Variants in TRPM6 observed in about 807,000 individuals in gnomAD.
TRPM6 encodes channel kinase 2.
In TRPM6, 111 loss-of-function variants were observed where a neutral mutation model predicts 247.6. That is an observed-to-expected ratio of 0.45 (90% confidence interval 0.38 to 0.52). The LOEUF is 0.52. TRPM6 is among the 20% of genes least tolerant of loss of function. The pLI is 0.00. For synonymous variants in TRPM6, 892 were observed against 853.8 expected, an observed-to-expected ratio of 1.04 and a Z score of -0.78; for missense variants, 2,126 against 2,421.5, an observed-to-expected ratio of 0.88 and a Z score of 2.56.
chr9:74,754,420 G>T (rs1192098412), intron 28 of TRPM6, among the ~76,000 whole-genome samples: 2 of 152,138 alleles, frequency 1.3e-5, no homozygotes, highest in South Asian at 4.1e-4. Context: ...CCCGTTCATT[G>T]TAAGATGTTT....
At chr9:74,758,911 G>C (rs1037626044) in intron 27 of TRPM6, among the ~76,000 whole-genome samples, 2 of 151,978 alleles carry the variant, frequency 1.3e-5, no homozygotes, top group African/African-American at 4.8e-5. Flanking sequence ...ATCTACTCAA[G>C]TAAAGAAGTT....
In TRPM6 at chr9:74,834,758, G is replaced by A. The variant is rs529114014; in HGVS notation, c.545-636C>T. On this transcript the variant is annotated intron_variant, in intron 5 of 38. Coordinates refer to ENST00000360774, the MANE Select transcript of TRPM6 (RefSeq NM_017662.5). ...TTTGCTCATCTATGTCCCTACAAGG[G>A]ACATGAACTCATCCCTTTTATGGCT... Among the ~76,000 whole-genome samples the A allele has an allele frequency of 5.1e-4, 77 of 151,980 alleles. 1 individual carries two copies. Among genetic ancestry groups the A allele is most frequent in the Non-Finnish European group, 1.2e-4 (8 of 67,976 alleles).
At chr9:74,862,570 A>G (rs1009204250) in intron 1 of TRPM6, among the ~76,000 whole-genome samples, 8 of 152,226 alleles carry the variant, frequency 5.3e-5, no homozygotes, top group Non-Finnish European at 1.2e-4. Context: ...TTCACAGACT[A>G]ACATAGTGAG....
rs55889089 is a variant in TRPM6, at chr9:74,728,314, A to C, written c.5860T>G (p.Leu1954Val). The change falls in exon 38 of 39, where the codon TTG becomes GTG. Residue 1954 changes from leucine to valine, a missense_variant. This residue lies in a region of TRPM6 where 327 missense variants were observed against 397.7 expected (regional missense o/e 0.82). Coordinates refer to ENST00000360774, the MANE Select transcript of TRPM6 (RefSeq NM_017662.5). ...SRGMVFGPAN[L>V]GEDAIRNFIA... Reference sequence around the variant, plus strand: ...AAGTTTCTAATTGCATCTTCCCCCAAATTGGCCGGTCCAAACACCATTCCT... The same window carrying C: ...AAGTTTCTAATTGCATCTTCCCCCACATTGGCCGGTCCAAACACCATTCCT... 2.5e-6 allele frequency: 4 copies of C among 1,613,884 alleles called. No homozygotes were observed. The highest frequency in any genetic ancestry group is 2.7e-5 in the African/African-American group (2 of 74,878).
chr9:74,841,739 A>T (rs1829944863), intron 4 of TRPM6, among the ~76,000 whole-genome samples: 1 of 152,188 alleles, frequency 6.6e-6, no homozygotes, highest in Non-Finnish European at 1.5e-5. Flanking sequence ...TCCTGACCTC[A>T]GGTGATCCAC....
chr9:74,863,791 T>C (rs905989617), intron 1 of TRPM6, among the ~76,000 whole-genome samples: 8 of 152,000 alleles, frequency 5.3e-5, no homozygotes, highest in Middle Eastern at 6.3e-3. Context: ...TTTCACCGTG[T>C]TAGCCAGGGT....
intron 36 of TRPM6, among the ~76,000 whole-genome samples, chr9:74,733,805 A>T (rs1377756657): frequency 6.6e-6 from 1 of 152,076 alleles, no homozygotes; most frequent in Non-Finnish European, 1.5e-5. Flanking sequence ...TGATCTGCCC[A>T]CCTCAGCCTC....
At chr9:74,792,815 A>C (rs1827955979) in intron 18 of TRPM6, 45 bp from the exon 19 acceptor site, 3 of 1,572,218 alleles carry the variant, frequency 1.9e-6, no homozygotes, top group African/African-American at 1.3e-5. Context: ...CAGCTTAACT[A>C]AAATAGTGAC....
At chr9:74,757,951 A>T (rs982864623) in intron 27 of TRPM6, among the ~76,000 whole-genome samples, 7 of 152,192 alleles carry the variant, frequency 4.6e-5, no homozygotes, top group African/African-American at 1.2e-4. Flanking sequence ...AAATGTTAGG[A>T]ACAAAAGAAG....
chr9:74,724,602 C>T lies in TRPM6; in HGVS notation c.*11G>A. 6.2e-7 allele frequency: 1 copy of T among 1,614,156 alleles called. No individual in the cohort carries two copies. Among genetic ancestry groups the T allele is most frequent in the Non-Finnish European group, 8.5e-7 (1 of 1,180,024 alleles). On this transcript the variant is annotated 3_prime_UTR_variant, in exon 39 of 39. Transcript: ENST00000360774. ...CAGGGCAAGCACTGGGATCTTCTTG[C>T]TCCTCCCTTTTTATAGTTGCATATC...
intron 13 of TRPM6, among the ~76,000 whole-genome samples, chr9:74,809,041 T>C (rs1828633862): frequency 6.6e-6 from 1 of 152,218 alleles, no homozygotes; most frequent in South Asian, 2.1e-4. Flanking sequence ...TCTGTCTTTG[T>C]CTACCCAGAG....
At chr9:74,858,002 T>C (rs1367910040) in intron 2 of TRPM6, among the ~76,000 whole-genome samples, 1 of 152,184 alleles carries the variant, frequency 6.6e-6, no homozygotes, top group Non-Finnish European at 1.5e-5. Context: ...TATCCTCCCA[T>C]CAAGAGGAAC....
rs567166042 is a variant in TRPM6, at chr9:74,761,546, T to C, written c.4785+150A>G. 9.2e-6 allele frequency: 6 copies of C among 648,968 alleles called. No homozygotes were observed. In the African/African-American group the frequency reaches 1.1e-4, roughly 12 times the overall value. 40.2% of individuals were successfully genotyped at this position (648,968 alleles called of 1,614,324 possible). ...ACAACATAGCAAGACCCCACCCATCTCTTAAAAAGAGGAACAAATTATATC... is the reference window on the plus strand; with the variant it reads ...ACAACATAGCAAGACCCCACCCATCCCTTAAAAAGAGGAACAAATTATATC... On this transcript the variant is annotated intron_variant, in intron 27 of 38. Coordinates refer to ENST00000360774, the MANE Select transcript of TRPM6 (RefSeq NM_017662.5).
intron 25 of TRPM6, among the ~76,000 whole-genome samples, chr9:74,767,678 G>A (rs1328791099): frequency 2.0e-5 from 3 of 152,104 alleles, no homozygotes; most frequent in Non-Finnish European, 4.4e-5. Flanking sequence ...AGTTTAATTA[G>A]AGCTGCAGGC....
chr9:74,846,269 C>T (rs1036339156), intron 3 of TRPM6, among the ~76,000 whole-genome samples: 2 of 152,146 alleles, frequency 1.3e-5, no homozygotes, highest in Non-Finnish European at 2.9e-5. Flanking sequence ...CATGAACAGA[C>T]ATTTAAGGCG....
At chr9:74,814,022 G>A (rs1049279616) in intron 11 of TRPM6, among the ~76,000 whole-genome samples, 5 of 152,174 alleles carry the variant, frequency 3.3e-5, no homozygotes, top group Admixed American at 6.5e-5. Context: ...GCTTGAATCT[G>A]AGAGGTGGAC....
chr9:74,881,456 C>T (rs958772979), intron 1 of TRPM6, among the ~76,000 whole-genome samples: 4 of 152,020 alleles, frequency 2.6e-5, no homozygotes, highest in Non-Finnish European at 2.9e-5. Flanking sequence ...AAATATTATT[C>T]GATCAAACAG....
At chr9:74,789,529 C>T (rs1407469700) in intron 19 of TRPM6, among the ~76,000 whole-genome samples, 1 of 152,174 alleles carries the variant, frequency 6.6e-6, no homozygotes, top group African/African-American at 2.4e-5. Flanking sequence ...GCATTGAAAA[C>T]TGTGACAAAT....
chr9:74,832,934 C>T (rs966752902), intron 6 of TRPM6, among the ~76,000 whole-genome samples: 5 of 152,028 alleles, frequency 3.3e-5, no homozygotes, highest in Non-Finnish European at 7.4e-5. Flanking sequence ...GCCTGTAATC[C>T]CAGCTACTTG....
Sources: gnomAD v4.1 joint callset for allele counts (sites outside exome capture counted in the v4.1 genomes callset) on GRCh38, gnomAD v4.1.1 for gene constraint, gnomAD v4.1.1 regional missense constraint, MANE v1.5 for transcripts, NCBI Gene and HGNC (gene_info 2026-07-23, HGNC 2026-07-21) for gene names.